Variants in CCDC187 observed in about 807,000 individuals in gnomAD.
The protein encoded by CCDC187 is coiled-coil domain containing 187.
A neutral mutation model predicts 38.0 loss-of-function variants in CCDC187; 32 were observed. That is an observed-to-expected ratio of 0.84 (90% confidence interval 0.64 to 1.13). CCDC187 has a LOEUF of 1.13. CCDC187 is among the 50% of genes most tolerant of loss of function. The pLI is 0.00. For missense variants in CCDC187, 707 were observed against 786.8 expected, an observed-to-expected ratio of 0.90 and a Z score of 1.21; for synonymous variants, 333 against 347.9, an observed-to-expected ratio of 0.96 and a Z score of 0.48.
chr9:136,255,059 G>A lies in CCDC187; in HGVS notation c.4769C>T (p.Ser1590Phe), dbSNP rs35356233. ...AGCAGACTCAGAGCCTGGACCGCAG[G>A]AGGAGGTGGTGGGGAGAAGGGGACT... is the stretch of plus-strand genomic sequence containing the variant. Reference protein sequence around the residue: ...QGSPLLPTTSSCGPGSESASG... With the variant: ...QGSPLLPTTSFCGPGSESASG... Residue 1590 changes from serine to phenylalanine, a missense_variant, in exon 26 of 26, where the codon TCC becomes TTC. Ser to Phe is a radical substitution (Grantham distance 155). Transcript: ENST00000638797. 23,997 of 985,504 alleles carry A rather than the reference G, an allele frequency of 0.024. 350 individuals are homozygous for A. The highest frequency in any genetic ancestry group is 0.058 in the Admixed American group (939 of 16,286). The allele number at this position is 985,504 out of a possible 1,614,324, so 61.0% of individuals were successfully genotyped here. A position where few individuals can be genotyped will look rare whatever the true frequency, so the allele number is the denominator to read the frequency against.
intron 3 of CCDC187, 92 bp from the exon 4 acceptor site, chr9:136,297,913 C>T: frequency 1.0e-5 from 4 of 394,338 alleles, no homozygotes; most frequent in Non-Finnish European, 1.8e-5. Context: ...GGGTCCTGTG[C>T]AAACACAGTC....
At position 136,292,934 on chromosome 9, in the gene CCDC187, G is replaced by A. The variant is rs952489281; in HGVS notation, c.833-639C>T. On this transcript the variant is annotated intron_variant, in intron 4 of 25. Transcript: ENST00000638797. Reference sequence around the variant, plus strand: ...ACAAACGAGCCTTCGCACGCAAATGGCATCATGCAGTGAGTGGCGCTCATC... The same window carrying A: ...ACAAACGAGCCTTCGCACGCAAATGACATCATGCAGTGAGTGGCGCTCATC... Among the ~76,000 whole-genome samples, 719 of 152,312 alleles carry A rather than the reference G, an allele frequency of 4.7e-3. 13 individuals carry two copies. Among genetic ancestry groups the A allele is most frequent in the Non-Finnish European group, 2.8e-3 (188 of 68,024 alleles).
At chr9:136,267,918 C>T (rs1349200644) in intron 15 of CCDC187, 131 bp downstream of exon 15, 4 of 985,392 alleles carry the variant, frequency 4.1e-6, no homozygotes, top group East Asian at 1.1e-4. Flanking sequence ...ACGCGATCGC[C>T]GGAAGAACCT....
intron 14 of CCDC187, among the ~76,000 whole-genome samples, chr9:136,271,959 C>G (rs1305039825): frequency 1.3e-5 from 2 of 152,040 alleles, no homozygotes; most frequent in Non-Finnish European, 2.9e-5. Context: ...TACTGACGAA[C>G]CAAGAAGAAT....
rs1473593465 is a variant in CCDC187 at position 136,276,695 on chromosome 9, G to A, written c.3073C>T (p.Pro1025Ser). 6.6e-6 allele frequency: 1 copy of A among 152,200 alleles called. No individual in the cohort carries two copies. The highest frequency in any genetic ancestry group is 2.4e-5 in the African/African-American group (1 of 41,448). The allele number at this position is 152,200 out of a possible 1,614,324, so 9.4% of individuals were successfully genotyped here. A position where few individuals can be genotyped will look rare whatever the true frequency, so the allele number is the denominator to read the frequency against. ...CTGGAGGTCTTCTGTTGGGTGTTGGGAAGGCATCTCACACATGGGTCCTCC... is the reference window on the plus strand; with the variant it reads ...CTGGAGGTCTTCTGTTGGGTGTTGGAAAGGCATCTCACACATGGGTCCTCC... ...QQEDPCVRCL[P>S]NTQQKTSSFL... The change falls in exon 11 of 26, where the codon CCC becomes TCC. Residue 1025 changes from proline to serine, a missense_variant. Transcript: ENST00000638797.
intron 7 of CCDC187, among the ~76,000 whole-genome samples, chr9:136,289,108 G>A (rs1831249548): frequency 1.3e-5 from 2 of 152,232 alleles, no homozygotes; most frequent in African/African-American, 4.8e-5. Context: ...TCTGACTCAA[G>A]CTGCAACATG....
chr9:136,288,557 G>A (rs1007866941), intron 7 of CCDC187, among the ~76,000 whole-genome samples: 9 of 152,174 alleles, frequency 5.9e-5, no homozygotes, highest in Admixed American at 1.3e-4. Context: ...GGTGCCTAGC[G>A]TGAGGCCAGG....
chr9:136,259,328 G>A (rs961825866), intron 21 of CCDC187, 35 bp downstream of exon 21: 11 of 944,580 alleles, frequency 1.2e-5, no homozygotes, highest in Non-Finnish European at 1.4e-5. Flanking sequence ...GAAACAGGCG[G>A]TGCTGGGGAA....
intron 2 of CCDC187, among the ~76,000 whole-genome samples, chr9:136,301,509 C>T (rs923471345): frequency 2.0e-5 from 3 of 151,202 alleles, no homozygotes; most frequent in Admixed American, 6.6e-5. Context: ...GCTGCAGGAC[C>T]GTGAATGTGC....
At chr9:136,283,319 G>A (rs1831090963) in intron 9 of CCDC187, among the ~76,000 whole-genome samples, 2 of 152,244 alleles carry the variant, frequency 1.3e-5, no homozygotes, top group Non-Finnish European at 2.9e-5. Flanking sequence ...GCACCCGAGA[G>A]GCTCAGCGTG....
intron 19 of CCDC187, among the ~76,000 whole-genome samples, chr9:136,261,369 G>T (rs374733613): frequency 7.2e-5 from 11 of 152,190 alleles, no homozygotes; most frequent in Non-Finnish European, 1.6e-4. Context: ...TTCTAGCTGT[G>T]GACAGTGCTA....
At chr9:136,260,899 C>T (rs987229736) in intron 19 of CCDC187, among the ~76,000 whole-genome samples, 3 of 152,220 alleles carry the variant, frequency 2.0e-5, no homozygotes, top group African/African-American at 4.8e-5. Flanking sequence ...GGCATCTTGA[C>T]GCCAGTGTGT....
rs1830518889 is a variant in CCDC187 at position 136,250,222 on chromosome 9, T to A, written c.*3372A>T. ...CGGCTCCGGCCCCCTCCAGGGCCGCTGTCCTTGGAAGCCCTGGCCCGGGTT... is the reference window on the plus strand; with the variant it reads ...CGGCTCCGGCCCCCTCCAGGGCCGCAGTCCTTGGAAGCCCTGGCCCGGGTT... On this transcript the variant is annotated 3_prime_UTR_variant, in exon 26 of 26. Coordinates refer to ENST00000638797, the MANE Select transcript of CCDC187 (RefSeq NM_001378188.1). 6.1e-6 allele frequency: 1 copy of A among 164,966 alleles called. No individual in the cohort carries two copies. Among genetic ancestry groups the A allele is most frequent in the African/African-American group, 2.4e-5 (1 of 41,550 alleles). 10.2% of individuals were successfully genotyped at this position (164,966 alleles called of 1,614,324 possible).
Position 136,260,237 on chromosome 9 carries a change from C to T in CCDC187, c.4092G>A (p.Thr1364=), listed in dbSNP as rs749657766. ...TRPPTEQQDV[T]PPQTTSDADG... is the part of the protein sequence containing the mutation. Reference sequence around the variant, plus strand: ...CTGCATCGGAGGTTGTCTGGGGTGGCGTCACATCCTGCTGCTCAGTGGGAG... The same window carrying T: ...CTGCATCGGAGGTTGTCTGGGGTGGTGTCACATCCTGCTGCTCAGTGGGAG... The change falls in exon 20 of 26, where the codon ACG becomes ACA. Residue 1364 remains threonine (T), a synonymous_variant. Transcript: ENST00000638797. 4 of 985,146 alleles carry T rather than the reference C, an allele frequency of 4.1e-6. No individual in the cohort carries two copies. Among genetic ancestry groups the T allele is most frequent in the African/African-American group, 1.8e-5 (1 of 57,062 alleles). The allele number at this position is 985,146 out of a possible 1,614,324, so 61.0% of individuals were successfully genotyped here.
intron 10 of CCDC187, among the ~76,000 whole-genome samples, chr9:136,279,052 T>C (rs1224403944): frequency 6.6e-6 from 1 of 152,042 alleles, no homozygotes; most frequent in Non-Finnish European, 1.5e-5. Context: ...TGTTTAAATC[T>C]AGAAGGTTCC....
At chr9:136,276,023 T>C (rs1206868672) in intron 12 of CCDC187, among the ~76,000 whole-genome samples, 171 bp downstream of exon 12, 3 of 152,168 alleles carry the variant, frequency 2.0e-5, no homozygotes, top group Non-Finnish European at 4.4e-5. Context: ...ACCTCCTGTT[T>C]CTGCATAGAG....
rs782640803 is a variant in CCDC187 at position 136,250,895 on chromosome 9, C to G, written c.*2699G>C. On this transcript the variant is annotated 3_prime_UTR_variant, in exon 26 of 26. Transcript: ENST00000638797. ...TGTCTGGAGAGGGGCTCTTGCCTCA[C>G]GGCAGGGGGCCCAAAGAGGTTCTAA... is the stretch of plus-strand genomic sequence containing the variant. 4.4e-6 allele frequency: 2 copies of G among 451,546 alleles called. No individual in the cohort carries two copies. The highest frequency in any genetic ancestry group is 2.0e-5 in the African/African-American group (1 of 49,962). 28.0% of individuals were successfully genotyped at this position (451,546 alleles called of 1,614,324 possible).
In CCDC187 at chr9:136,253,706, C is replaced by A; in HGVS notation, c.6122G>T (p.Gly2041Val). ...GATGGCGGTGTCCTCCTCAAGGGGC[C>A]CCGAGGGCGGGGAAGGGAAGGCATC... Reference protein sequence around the residue: ...CSDAFPSPPSGPLEEDTAITT... With the variant: ...CSDAFPSPPSVPLEEDTAITT... The change falls in exon 26 of 26, where the codon GGG becomes GTG. Residue 2041 changes from glycine to valine, a missense_variant. Gly to Val is a moderately radical substitution (Grantham distance 109). Coordinates refer to ENST00000638797, the MANE Select transcript of CCDC187 (RefSeq NM_001378188.1). 1 of 985,534 alleles carries A rather than the reference C, an allele frequency of 1.0e-6. No individual in the cohort carries two copies. The highest frequency in any genetic ancestry group is 1.2e-6 in the Non-Finnish European group (1 of 829,992). The allele number at this position is 985,534 out of a possible 1,614,324, so 61.0% of individuals were successfully genotyped here.
rs1003195191 is a variant in CCDC187 at position 136,287,154 on chromosome 9, C to T, written c.2223-459G>A. Among the ~76,000 whole-genome samples the T allele has an allele frequency of 1.2e-4, 19 of 152,172 alleles. 1 individual carries two copies. Among genetic ancestry groups the T allele is most frequent in the Non-Finnish European group, 2.2e-4 (15 of 68,040 alleles). ...AACGGAGAAGCAAAATGAGGTCCAC[C>T]GACACGGCGGAATAGTATTCAGCCC... On this transcript the variant is annotated intron_variant, in intron 7 of 25. Transcript: ENST00000638797.
Sources: gnomAD v4.1 joint callset for allele counts (sites outside exome capture counted in the v4.1 genomes callset) on GRCh38, gnomAD v4.1.1 for gene constraint, MANE v1.5 for transcripts, NCBI Gene and HGNC (gene_info 2026-07-23, HGNC 2026-07-21) for gene names.